Variants in CNTN4 observed in about 807,000 individuals in gnomAD.
CNTN4 encodes the protein contactin 4.
Under a neutral mutation model 122.5 loss-of-function variants are expected in CNTN4, and 77 were observed. The ratio of observed to expected loss-of-function variants is 0.63; its 90% CI spans 0.52 to 0.76. The LOEUF is 0.76. Among genes scored for constraint, CNTN4 ranks in the 30% least tolerant of loss-of-function variants. The pLI, the probability that CNTN4 is intolerant of heterozygous loss-of-function variation, is 0.00. For synonymous variants in CNTN4, 512 were observed against 447.0 expected (o/e 1.15, Z -1.83); for missense variants, 1,256 against 1,259.1 (o/e 1.00, Z 0.04).
intron 7 of CNTN4, among the ~76,000 whole-genome samples, chr3:2,842,571 G>C (rs1207866684): frequency 6.6e-6 from 1 of 152,122 alleles, no homozygotes; most frequent in African/African-American, 2.4e-5. Context: ...CGGCAAAACT[G>C]CACCAAAGAG....
intron 3 of CNTN4, among the ~76,000 whole-genome samples, chr3:2,426,332 G>A (rs2047831905): frequency 6.6e-6 from 1 of 152,086 alleles, no homozygotes; most frequent in African/African-American, 2.4e-5. Flanking sequence ...TAATCATGTG[G>A]TTTTTGTCCT....
At chr3:2,522,825 A>G (rs1452187109) in intron 3 of CNTN4, among the ~76,000 whole-genome samples, 1 of 152,178 alleles carries the variant, frequency 6.6e-6, no homozygotes, top group Admixed American at 6.6e-5. Context: ...AGATTTCCCA[A>G]CTGAGGAATT....
intron 4 of CNTN4, among the ~76,000 whole-genome samples, chr3:2,705,284 C>T (rs996101127): frequency 9.0e-5 from 13 of 144,096 alleles, no homozygotes; most frequent in African/African-American, 3.4e-4. Flanking sequence ...AGGAGAATGG[C>T]GGGAACCTAG....
chr3:2,577,706 C>G (rs979656457), intron 4 of CNTN4, among the ~76,000 whole-genome samples: 6 of 152,154 alleles, frequency 3.9e-5, no homozygotes, highest in African/African-American at 1.4e-4. Flanking sequence ...TTACCATGTG[C>G]TATTGATTCT....
intron 2 of CNTN4, among the ~76,000 whole-genome samples, chr3:2,274,528 T>TC (rs397700292): frequency 9.2e-5 from 14 of 152,030 alleles, no homozygotes; most frequent in African/African-American, 1.7e-4. Flanking sequence ...GCTTTTTTTT[T>TC]CCTCAGTCTG....
In CNTN4 at chr3:2,636,334, T is replaced by C. The variant is rs546091663; in HGVS notation, c.55+64776T>C. Reference sequence around the variant, plus strand: ...CTCTTCTTTGGCCCCTCTGTTACTATTGAGGAACACTAATTATGCTTATGT... The same window carrying C: ...CTCTTCTTTGGCCCCTCTGTTACTACTGAGGAACACTAATTATGCTTATGT... On this transcript the variant is annotated intron_variant, in intron 4 of 24. Transcript: ENST00000418658. Among the ~76,000 whole-genome samples the C allele has an allele frequency of 5.3e-5, 8 of 152,308 alleles. No individual in the cohort carries two copies. In the East Asian group the frequency reaches 1.4e-3, roughly 26 times the overall value.
At chr3:2,645,736 G>A (rs1311145390) in intron 4 of CNTN4, among the ~76,000 whole-genome samples, 4 of 152,114 alleles carry the variant, frequency 2.6e-5, no homozygotes, top group African/African-American at 4.8e-5. Flanking sequence ...CACACTTGAG[G>A]TTCACTCTTT....
intron 12 of CNTN4, among the ~76,000 whole-genome samples, chr3:2,917,663 A>C (rs1295329342): frequency 6.6e-6 from 1 of 152,162 alleles, no homozygotes; most frequent in Non-Finnish European, 1.5e-5. Context: ...TTTATGGTCA[A>C]TTAAATTGAG....
intron 3 of CNTN4, among the ~76,000 whole-genome samples, chr3:2,486,682 G>C (rs1211793638): frequency 1.3e-5 from 2 of 152,072 alleles, no homozygotes; most frequent in Non-Finnish European, 2.9e-5. Flanking sequence ...TACCAGCTTG[G>C]CTGAGTATTT....
At chr3:2,493,886 C>T (rs1486379117) in intron 3 of CNTN4, among the ~76,000 whole-genome samples, 1 of 152,014 alleles carries the variant, frequency 6.6e-6, no homozygotes, top group African/African-American at 2.4e-5. Context: ...ATGACTGGAG[C>T]TTTAGTGGCT....
intron 2 of CNTN4, among the ~76,000 whole-genome samples, chr3:2,173,009 C>G (rs1279663502): frequency 6.6e-6 from 1 of 152,110 alleles, no homozygotes; most frequent in Non-Finnish European, 1.5e-5. Flanking sequence ...TGATCTGCAA[C>G]GTGGTAGATT....
chr3:2,233,360 C>A (rs1387251925), intron 2 of CNTN4, among the ~76,000 whole-genome samples: 1 of 152,108 alleles, frequency 6.6e-6, no homozygotes, highest in African/African-American at 2.4e-5. Flanking sequence ...CGTATGGCCT[C>A]TACATAACCT....
chr3:2,141,061 C>G (rs1043015197), intron 2 of CNTN4, among the ~76,000 whole-genome samples: 1 of 152,138 alleles, frequency 6.6e-6, no homozygotes. Flanking sequence ...GCTGGAATAT[C>G]AGTTGCTGGG....
In CNTN4 at chr3:2,385,452, T is replaced by C. The variant is rs1197540579; in HGVS notation, c.-89+46219T>C. ...GTCTTGTTCATAGCAGATGCTTGTA[T>C]TAGTTTCTTAGGACTGCCACAGCAA... is the stretch of plus-strand genomic sequence containing the variant. On this transcript the variant is annotated intron_variant, in intron 3 of 24. Transcript: ENST00000418658. This position sits in a 1 kb window ranked among gnomAD's most constrained non-coding sequence, Gnocchi z 4.0. Among the ~76,000 whole-genome samples the C allele has an allele frequency of 6.6e-6, 1 of 152,100 alleles. No individual in the cohort carries two copies. Among genetic ancestry groups the C allele is most frequent in the Non-Finnish European group, 1.5e-5 (1 of 68,034 alleles).
At chr3:2,517,474 G>A (rs1412980436) in intron 3 of CNTN4, among the ~76,000 whole-genome samples, 2 of 152,106 alleles carry the variant, frequency 1.3e-5, no homozygotes, top group African/African-American at 4.8e-5. Flanking sequence ...CTGAGTTTGA[G>A]GAGGTTGATT....
chr3:2,113,291 A>C (rs898695031), intron 2 of CNTN4, among the ~76,000 whole-genome samples: 2 of 152,182 alleles, frequency 1.3e-5, no homozygotes, highest in Non-Finnish European at 2.9e-5. Flanking sequence ...CATTGATTAA[A>C]AGCATGCATT....
chr3:2,170,124 A>G (rs2036419316), intron 2 of CNTN4, among the ~76,000 whole-genome samples: 1 of 151,894 alleles, frequency 6.6e-6, no homozygotes, highest in Admixed American at 6.6e-5. Flanking sequence ...GATCGAGACC[A>G]TCCTGGCTAA....
chr3:2,863,273 G>A (rs1307914823), intron 7 of CNTN4, among the ~76,000 whole-genome samples: 3 of 151,944 alleles, frequency 2.0e-5, no homozygotes, highest in African/African-American at 7.2e-5. Context: ...CCTGTTTTAG[G>A]AGCTTAGTGC....
intron 13 of CNTN4, among the ~76,000 whole-genome samples, chr3:2,953,838 AT>A (rs1478941484): frequency 6.6e-6 from 1 of 152,172 alleles, no homozygotes; most frequent in East Asian, 1.9e-4. Context: ...GGATTCATTG[AT>A]TAATTGAGTC....
Sources: allele counts gnomAD v4.1 joint callset (sites outside exome capture counted in the v4.1 genomes callset), GRCh38; gene constraint gnomAD v4.1.1; non-coding constraint Gnocchi (gnomAD v3.1); transcripts MANE v1.5; gene names NCBI Gene and HGNC (gene_info 2026-07-23, HGNC 2026-07-21).